EPAS1: variants seen among roughly 807,000 people sequenced by gnomAD.
The protein encoded by EPAS1 is endothelial PAS domain-containing protein 1.
A neutral mutation model predicts 87.9 loss-of-function variants in EPAS1; 23 were observed. The ratio of observed to expected loss-of-function variants is 0.26; its 90% confidence interval spans 0.19 to 0.37. EPAS1 has a LOEUF of 0.37. Ranked by LOEUF, EPAS1 falls within the 10% of genes least tolerant of loss-of-function variation. The pLI is 1.00. For missense variants in EPAS1, 1,138 were observed against 1,120.7 expected, an observed-to-expected ratio of 1.02 and a Z score of -0.22; for synonymous variants, 508 against 444.3, an observed-to-expected ratio of 1.14 and a Z score of -1.80.
At position 46,301,824 on chromosome 2, in the gene EPAS1, G is replaced by GGA. The variant is rs578107136; in HGVS notation, c.26+3887_26+3888insGA. On this transcript the variant is annotated intron_variant, in intron 1 of 15. Coordinates refer to ENST00000263734, the MANE Select transcript of EPAS1 (RefSeq NM_001430.5). Reference sequence around the variant, plus strand: ...GAAGTGATGATTCTGTTTGCTTTTTGAAAAAAAAAAAAAAAGGAAGCAGAG... The same window carrying GGA: ...GAAGTGATGATTCTGTTTGCTTTTTGGAAAAAAAAAAAAAAAAGGAAGCAGAG... Among the ~76,000 whole-genome samples, 10 of 131,416 alleles carry GGA rather than the reference G, an allele frequency of 7.6e-5. 1 individual carries two copies. The highest frequency in any genetic ancestry group is 7.1e-4 in the South Asian group (3 of 4,216). The allele number at this position is 131,416 out of a possible 152,430, so 86.2% of individuals were successfully genotyped here.
intron 1 of EPAS1, among the ~76,000 whole-genome samples, chr2:46,313,438 G>GTTATTTATTTATTTAT (rs34298350): frequency 7.2e-4 from 107 of 148,774 alleles, no homozygotes; most frequent in African/African-American, 1.3e-3. Context: ...CCCACATGTT[G>GTTATTTATTTATTTAT]TTATTTATTT....
chr2:46,332,741 A>G (rs1683713334), intron 1 of EPAS1, among the ~76,000 whole-genome samples: 2 of 150,238 alleles, frequency 1.3e-5, no homozygotes, highest in African/African-American at 2.4e-5. Flanking sequence ...TTATATCACC[A>G]GAAGGGTGGA....
At chr2:46,311,238 A>C (rs1415380788) in intron 1 of EPAS1, among the ~76,000 whole-genome samples, 1 of 152,014 alleles carries the variant, frequency 6.6e-6, no homozygotes, top group Non-Finnish European at 1.5e-5. Context: ...TAAAACTGGG[A>C]AACTGCTGCC....
At chr2:46,341,493 G>GT (rs1464784309) in intron 1 of EPAS1, among the ~76,000 whole-genome samples, 1 of 152,212 alleles carries the variant, frequency 6.6e-6, no homozygotes, top group African/African-American at 2.4e-5. Flanking sequence ...GCCACCTTCT[G>GT]TGTGGCATCT....
intron 6 of EPAS1, among the ~76,000 whole-genome samples, chr2:46,365,361 A>T (rs555201131): frequency 3.9e-5 from 6 of 152,250 alleles, no homozygotes; most frequent in Non-Finnish European, 8.8e-5. Flanking sequence ...AACATAGGAC[A>T]TATTAATATC....
intron 1 of EPAS1, among the ~76,000 whole-genome samples, chr2:46,321,256 C>T (rs1238861122): frequency 2.0e-5 from 3 of 152,152 alleles, no homozygotes; most frequent in Non-Finnish European, 4.4e-5. Flanking sequence ...TGTGTGTAGA[C>T]ACTATATTTT....
chr2:46,369,528 A>G (rs1684581553), intron 6 of EPAS1, among the ~76,000 whole-genome samples: 1 of 152,168 alleles, frequency 6.6e-6, no homozygotes, highest in African/African-American at 2.4e-5. Context: ...TGGTTCTTGG[A>G]GAACAGACAT....
intron 7 of EPAS1, among the ~76,000 whole-genome samples, chr2:46,372,493 C>G (rs964101900): frequency 9.2e-5 from 14 of 152,200 alleles, no homozygotes; most frequent in Non-Finnish European, 1.6e-4. Context: ...AGAAGCTCAA[C>G]TAGATTTAGA....
Position 46,380,031 on chromosome 2 carries a change from A to G in EPAS1, c.1555-196A>G, listed in dbSNP as rs1684850999. ...GGGATAAACATGGGGGAAGGCTGGTACATGATACAAGGTCGTGTACATGAC... is the reference window on the plus strand; with the variant it reads ...GGGATAAACATGGGGGAAGGCTGGTGCATGATACAAGGTCGTGTACATGAC... On this transcript the variant is annotated intron_variant, in intron 11 of 15. Transcript: ENST00000263734. This position sits in a 1 kb window ranked among gnomAD's most constrained non-coding sequence, Gnocchi z 4.4. 1 of 790,620 alleles carries G rather than the reference A, an allele frequency of 1.3e-6. No individual in the cohort carries two copies. The allele number at this position is 790,620 out of a possible 1,614,324, so 49.0% of individuals were successfully genotyped here.
intron 1 of EPAS1, among the ~76,000 whole-genome samples, chr2:46,299,804 G>T (rs1319649368): frequency 6.6e-6 from 1 of 152,228 alleles, no homozygotes; most frequent in Non-Finnish European, 1.5e-5. Flanking sequence ...ACAGTACCTG[G>T]TTCGTTAGCG....
chr2:46,343,739 C>T (rs914095629), intron 1 of EPAS1, among the ~76,000 whole-genome samples: 4 of 152,198 alleles, frequency 2.6e-5, no homozygotes, highest in African/African-American at 9.6e-5. Context: ...TAAGGTGTTG[C>T]TGTTTCTTTA....
intron 1 of EPAS1, among the ~76,000 whole-genome samples, chr2:46,339,315 A>G (rs1358138302): frequency 6.6e-6 from 1 of 152,222 alleles, no homozygotes; most frequent in Non-Finnish European, 1.5e-5. Context: ...TAAAAAGGAA[A>G]TTATGTGTTG....
rs138251534 is a variant in EPAS1 at position 46,342,503 on chromosome 2, T to C, written c.27-4370T>C. ...TCTGTTTCTAAGCCATTTAACCTTA[T>C]AGGGTAATAGGCATATTGTTTTGAT... On this transcript the variant is annotated intron_variant, in intron 1 of 15. Coordinates refer to ENST00000263734, the MANE Select transcript of EPAS1 (RefSeq NM_001430.5). Among the ~76,000 whole-genome samples the C allele has an allele frequency of 3.3e-3, 510 of 152,324 alleles. 2 individuals carry two copies. The highest frequency in any genetic ancestry group is 0.011 in the African/African-American group (467 of 41,570).
In EPAS1 at chr2:46,346,737, C is replaced by A. The variant is rs1170187697; in HGVS notation, c.27-136C>A. On this transcript the variant is annotated intron_variant, in intron 1 of 15. Coordinates refer to ENST00000263734, the MANE Select transcript of EPAS1 (RefSeq NM_001430.5). The surrounding 1 kb of genome is among the most constrained non-coding windows in gnomAD (Gnocchi z 4.0). ...CAAAGCAGGTTGTGTGTGGCTCAGA[C>A]AACTGGTGTGAGCCCAGATCAGTCT... 2 of 885,462 alleles carry A rather than the reference C, an allele frequency of 2.3e-6. No homozygotes were observed. Among genetic ancestry groups the A allele is most frequent in the Non-Finnish European group, 3.6e-6 (2 of 554,188 alleles). The allele number at this position is 885,462 out of a possible 1,614,324, so 54.9% of individuals were successfully genotyped here.
intron 7 of EPAS1, among the ~76,000 whole-genome samples, chr2:46,374,320 ACTAT>A (rs1250011524): frequency 1.3e-5 from 2 of 152,072 alleles, no homozygotes; most frequent in African/African-American, 4.8e-5. Context: ...CCCTCATGAG[ACTAT>A]CTACCAACGT....
chr2:46,366,396 C>T (rs928877780), intron 6 of EPAS1, among the ~76,000 whole-genome samples: 1 of 152,216 alleles, frequency 6.6e-6, no homozygotes, highest in Non-Finnish European at 1.5e-5. Context: ...AGCTGACCCA[C>T]GTATTTACTT....
At chr2:46,328,089 A>T (rs764495794) in intron 1 of EPAS1, among the ~76,000 whole-genome samples, 1 of 152,208 alleles carries the variant, frequency 6.6e-6, no homozygotes, top group East Asian at 1.9e-4. Flanking sequence ...CAGAGTCCAT[A>T]TGCAGATCGG....
Position 46,347,084 on chromosome 2 carries a change from T to A in EPAS1, c.217+21T>A. ...CTCAGGTAAGGCCAGCAGGCTCCCCTAGGCTGGGCAGATGCCAGCCTTACC... is the reference window on the plus strand; with the variant it reads ...CTCAGGTAAGGCCAGCAGGCTCCCCAAGGCTGGGCAGATGCCAGCCTTACC... On this transcript the variant is annotated intron_variant, in intron 2 of 15. Transcript: ENST00000263734. This position sits in a 1 kb window ranked among gnomAD's most constrained non-coding sequence, Gnocchi z 4.2. The A allele has an allele frequency of 6.2e-7, 1 of 1,614,032 alleles. No homozygotes were observed. Among genetic ancestry groups the A allele is most frequent in the Non-Finnish European group, 8.5e-7 (1 of 1,179,912 alleles).
intron 6 of EPAS1, among the ~76,000 whole-genome samples, chr2:46,363,280 G>A (rs768420613): frequency 1.3e-5 from 2 of 152,086 alleles, no homozygotes; most frequent in Non-Finnish European, 2.9e-5. Context: ...ATAGTGCTGG[G>A]GATGATGAAA....
Sources: gnomAD v4.1 joint callset for allele counts (sites outside exome capture counted in the v4.1 genomes callset) on GRCh38, gnomAD v4.1.1 for gene constraint, Gnocchi (gnomAD v3.1) non-coding constraint, MANE v1.5 for transcripts, NCBI Gene and HGNC (gene_info 2026-07-23, HGNC 2026-07-21) for gene names.